Variants in TET3 observed in about 807,000 individuals in gnomAD.
TET3 encodes the protein tet methylcytosine dioxygenase 3.
A neutral mutation model predicts 141.4 loss-of-function variants in TET3; 19 were observed. That is an observed-to-expected ratio of 0.13 (90% CI 0.09 to 0.20). The LOEUF is 0.20. TET3 is among the 10% of genes least tolerant of loss of function. The pLI, the probability that TET3 is intolerant of heterozygous loss-of-function variation, is 1.00. For synonymous variants in TET3, 1,043 were observed against 980.9 expected (o/e 1.06, Z -1.18); for missense variants, 1,874 against 2,356.9 (o/e 0.80, Z 4.24).
intron 6 of TET3, among the ~76,000 whole-genome samples, chr2:74,081,245 C>A (rs975094560): frequency 3.3e-5 from 5 of 152,226 alleles, no homozygotes; most frequent in African/African-American, 1.2e-4. Context: ...CCCTCCCAGT[C>A]CACAGGGAGA....
In TET3 at chr2:74,047,054, G is replaced by C. The variant is rs780866615; in HGVS notation, c.1137G>C (p.Gln379His). ...ALPQPSHSTPQASCPLPEALS... is the reference protein window; with the variant it reads ...ALPQPSHSTPHASCPLPEALS... The stretch of plus-strand genomic sequence containing the variant: ...CGCAGCCTTCTCATTCCACCCCCCA[G>C]GCTTCTTGCCCCCTTCCTGAGGCCT... Residue 379 changes from glutamine to histidine, a missense_variant, in exon 4 of 12, where the codon CAG becomes CAC. Physicochemically the swap from Gln to His is conservative, Grantham distance 24. Around this residue, in one of 10 missense-constraint regions of TET3, gnomAD observed 484 missense variants for 462.2 expected, o/e 1.05. Transcript: ENST00000409262. The C allele has an allele frequency of 3.4e-5, 55 of 1,613,740 alleles. No individual in the cohort carries two copies. Among genetic ancestry groups the C allele is most frequent in the Non-Finnish European group, 4.6e-5 (54 of 1,179,832 alleles).
Position 74,101,793 on chromosome 2 carries a change from C to T in TET3, c.5005C>T (p.Arg1669Trp), listed in dbSNP as rs1367676550. The stretch of plus-strand genomic sequence containing the variant: ...CGGCTCCATCCTCATCGAGTGTGCC[C>T]GGCGGGAGCTGCACGCCACCACGCC... ...AHGSILIECA[R>W]RELHATTPLK... Residue 1669 changes from arginine (R) to tryptophan (W), a missense_variant, in exon 12 of 12, where the codon CGG becomes TGG. Physicochemically the swap from Arg to Trp is moderately radical, Grantham distance 101. Around this residue, in one of 10 missense-constraint regions of TET3, gnomAD observed 41 missense variants for 116.8 expected, o/e 0.35. Transcript: ENST00000409262. The surrounding 1 kb of genome is among the most constrained non-coding windows in gnomAD (Gnocchi z 8.5). The T allele has an allele frequency of 1.2e-6, 2 of 1,612,986 alleles. No individual in the cohort carries two copies. Among genetic ancestry groups the T allele is most frequent in the African/African-American group, 1.3e-5 (1 of 75,040 alleles).
the TET3 span, among the ~76,000 whole-genome samples, chr2:74,115,477 T>G: frequency 1.3e-5 from 2 of 152,200 alleles, no homozygotes; most frequent in Non-Finnish European, 2.9e-5. Context: ...CAATGTAGAC[T>G]ATTCGGGTGA....
At chr2:74,089,231 G>A (rs1050774175) in intron 7 of TET3, among the ~76,000 whole-genome samples, 1 of 152,108 alleles carries the variant, frequency 6.6e-6, no homozygotes, top group African/African-American at 2.4e-5. Context: ...CTGTGAGAAT[G>A]TCACATAAAT....
downstream of TET3, among the ~76,000 whole-genome samples, chr2:74,109,842 C>A (rs76549181): frequency 1.6e-4 from 24 of 152,238 alleles, 1 homozygote; most frequent in South Asian, 4.8e-3. Flanking sequence ...AGGAGCCCCA[C>A]GATCTGGACA....
chr2:74,022,054 CAG>C (rs890857590), intron 3 of TET3, among the ~76,000 whole-genome samples: 1 of 145,040 alleles, frequency 6.9e-6, no homozygotes, highest in Non-Finnish European at 1.5e-5. Context: ...TTTTTCTACT[CAG>C]AGAGAACTCC....
At chr2:74,020,049 C>T (rs1440374355) in intron 3 of TET3, among the ~76,000 whole-genome samples, 1 of 152,170 alleles carries the variant, frequency 6.6e-6, no homozygotes, top group Non-Finnish European at 1.5e-5. Flanking sequence ...CCTATGTGCC[C>T]AGTCACCTTC....
At chr2:74,014,146 T>TA (rs1650071004) in intron 3 of TET3, among the ~76,000 whole-genome samples, 1 of 152,202 alleles carries the variant, frequency 6.6e-6, no homozygotes, top group African/African-American at 2.4e-5. Flanking sequence ...ACTGTAGTCT[T>TA]ATATAAATTG....
At position 74,107,834 on chromosome 2, in the gene TET3, A is replaced by C. The variant is rs1273362430; in HGVS notation, c.*5658A>C. Reference sequence around the variant, plus strand: ...TGATGGATGAATGGTAGATTTTTGCAATGTCTCAAGGCAATAGGATGTGTA... The same window carrying C: ...TGATGGATGAATGGTAGATTTTTGCCATGTCTCAAGGCAATAGGATGTGTA... On this transcript the variant is annotated 3_prime_UTR_variant, in exon 12 of 12. Transcript: ENST00000409262. The C allele has an allele frequency of 6.6e-6, 1 of 152,234 alleles. No homozygotes were observed. The highest frequency in any genetic ancestry group is 6.5e-5 in the Admixed American group (1 of 15,284). 9.4% of individuals were successfully genotyped at this position (152,234 alleles called of 1,614,324 possible). A position where few individuals can be genotyped will look rare whatever the true frequency, so the allele number is the denominator to read the frequency against.
intron 3 of TET3, among the ~76,000 whole-genome samples, chr2:74,032,467 G>C (rs2105298457): frequency 7.0e-6 from 1 of 142,674 alleles, no homozygotes; most frequent in South Asian, 2.2e-4. Context: ...GTGTGTGTGT[G>C]TGTGTGTGTG....
chr2:74,096,048 G>A lies in TET3; in HGVS notation c.3267+2382G>A, dbSNP rs114707166. On this transcript the variant is annotated intron_variant, in intron 10 of 11. Transcript: ENST00000409262. ...TTACACATTTGAATTTCATCTTTGC[G>A]ACTATCCTATTTATGTACTTTACTT... Among the ~76,000 whole-genome samples the A allele has an allele frequency of 2.5e-3, 377 of 152,188 alleles. 1 individual carries two copies. The highest frequency in any genetic ancestry group is 3.7e-3 in the Non-Finnish European group (250 of 68,000).
upstream of TET3, among the ~76,000 whole-genome samples, chr2:73,983,650 C>T (rs1370823558): frequency 6.6e-6 from 1 of 152,186 alleles, no homozygotes; most frequent in African/African-American, 2.4e-5. Flanking sequence ...AGATCAGTTA[C>T]TTTTTTTTCT....
chr2:74,034,061 A>G (rs1686894848), intron 3 of TET3, among the ~76,000 whole-genome samples: 1 of 152,036 alleles, frequency 6.6e-6, no homozygotes, highest in Admixed American at 6.5e-5. Context: ...GTGCCATTGC[A>G]CTTTAGTCAG....
At chr2:73,994,614 T>TTTTCTTTC (rs935777591) in intron 2 of TET3, among the ~76,000 whole-genome samples, 16 of 143,612 alleles carry the variant, frequency 1.1e-4, no homozygotes, top group African/African-American at 2.0e-4. Context: ...GGTCTATTTT[T>TTTTCTTTC]TTTCTTTCTT....
At chr2:74,119,871 A>G in the TET3 span, among the ~76,000 whole-genome samples, 31 of 152,340 alleles carry the variant, frequency 2.0e-4, no homozygotes, top group African/African-American at 6.0e-4. Flanking sequence ...AGTTGTGGTA[A>G]TATGAACCCA....
chr2:74,101,593 T>G lies in TET3; in HGVS notation c.4805T>G (p.Leu1602Arg). The G allele has an allele frequency of 6.2e-7, 1 of 1,610,584 alleles. No individual in the cohort carries two copies. The highest frequency in any genetic ancestry group is 8.5e-7 in the Non-Finnish European group (1 of 1,178,352). Residue 1602 changes from leucine to arginine, a missense_variant, in exon 12 of 12, where the codon CTG (leucine) becomes CGG (arginine). Physicochemically the swap from Leu to Arg is moderately radical, Grantham distance 102. Coordinates refer to ENST00000409262, the MANE Select transcript of TET3 (RefSeq NM_001287491.2). The surrounding 1 kb of genome is among the most constrained non-coding windows in gnomAD (Gnocchi z 8.5). Reference protein sequence around the residue: ...LFGALKSEEKLWDPFSLEEGP... With the variant: ...LFGALKSEEKRWDPFSLEEGP... ...GGGGCTCTGAAGTCAGAGGAGAAGCTGTGGGACCCCTTCAGCCTGGAGGAG... is the reference window on the plus strand; with the variant it reads ...GGGGCTCTGAAGTCAGAGGAGAAGCGGTGGGACCCCTTCAGCCTGGAGGAG...
rs373046883 is a variant in TET3 at position 74,061,124 on chromosome 2, GCGGC to G, written c.2495-12417_2495-12414del. ...AGGCGCCCCTCACCTACCGGACGGG[GCGGC>G]CGGCCGGGCGGGGGGCTGACCCCCC... On this transcript the variant is annotated intron_variant, in intron 4 of 11. Transcript: ENST00000409262. 5.4e-3 allele frequency among the ~76,000 whole-genome samples: 817 copies of G among 150,052 alleles called. 54 individuals carry two copies. The East Asian group carries it at 0.13, about 23-fold the overall frequency.
Position 74,035,469 on chromosome 2 carries a change from GA to G in TET3, c.361-10798del, listed in dbSNP as rs57320103. Among the ~76,000 whole-genome samples, 729 of 77,880 alleles carry G rather than the reference GA, an allele frequency of 9.4e-3. 4 individuals are homozygous for G. The highest frequency in any genetic ancestry group is 0.027 in the African/African-American group (592 of 21,984). The allele number at this position is 77,880 out of a possible 152,430, so 51.1% of individuals were successfully genotyped here. A position where few individuals can be genotyped will look rare whatever the true frequency, so the allele number is the denominator to read the frequency against. On this transcript the variant is annotated intron_variant, in intron 3 of 11. Coordinates refer to ENST00000409262, the MANE Select transcript of TET3 (RefSeq NM_001287491.2). Reference sequence around the variant, plus strand: ...ACAGAGCAAGACTCCATCTCAAAAAGAAAAAAAAAAATGTAGTTATTGGGGC... The same window carrying G: ...ACAGAGCAAGACTCCATCTCAAAAAGAAAAAAAAAATGTAGTTATTGGGGC...
rs566338107 is a variant in TET3 at position 74,075,028 on chromosome 2, G to A, written c.2585+1389G>A. On this transcript the variant is annotated intron_variant, in intron 5 of 11. Coordinates refer to ENST00000409262, the MANE Select transcript of TET3 (RefSeq NM_001287491.2). ...TGGGACTACAGGCGCCTGCCACCAC[G>A]CCTGGCTAATTTTTTGTATTTTTAG... 5.9e-5 allele frequency among the ~76,000 whole-genome samples: 9 copies of A among 152,126 alleles called. No individual in the cohort carries two copies. The East Asian group carries it at 1.4e-3, about 23-fold the overall frequency.
Sources: gnomAD v4.1 joint callset for allele counts (sites outside exome capture counted in the v4.1 genomes callset) on GRCh38, gnomAD v4.1.1 for gene constraint, gnomAD v4.1.1 regional missense constraint, Gnocchi (gnomAD v3.1) non-coding constraint, MANE v1.5 for transcripts, NCBI Gene and HGNC (gene_info 2026-07-23, HGNC 2026-07-21) for gene names.